The following AUTS2 variants were observed in gnomAD, a reference collection of about 807,000 sequenced individuals.
The protein encoded by AUTS2 is autism susceptibility gene 2 protein.
Under a neutral mutation model 112.4 loss-of-function variants are expected in AUTS2, and 17 were observed. The observed-to-expected ratio is 0.15, with a 90% CI of 0.10 to 0.23. The LOEUF is 0.23. Ranked by LOEUF, AUTS2 falls within the 10% of genes least tolerant of loss-of-function variation. The pLI is 1.00. For missense variants in AUTS2, 1,510 were observed against 1,701.6 expected, an observed-to-expected ratio of 0.89 and a Z score of 1.98; for synonymous variants, 751 against 702.7, an observed-to-expected ratio of 1.07 and a Z score of -1.09.
At chr7:69,922,611 ACT>A (rs1368154721) in intron 2 of AUTS2, among the ~76,000 whole-genome samples, 6 of 152,092 alleles carry the variant, frequency 3.9e-5, no homozygotes, top group Admixed American at 6.5e-5. Context: ...CAACTCAGAA[ACT>A]CTCAATTTAA....
At chr7:70,746,291 G>A (rs1246733510) in intron 6 of AUTS2, among the ~76,000 whole-genome samples, 1 of 152,086 alleles carries the variant, frequency 6.6e-6, no homozygotes, top group Non-Finnish European at 1.5e-5. Context: ...GATTACAGGT[G>A]GCTGCCACCA....
intron 5 of AUTS2, 127 bp downstream of exon 5, chr7:70,435,908 T>C: frequency 3.1e-6 from 3 of 963,562 alleles, no homozygotes; most frequent in South Asian, 1.6e-5. Flanking sequence ...TTAGGAAAGA[T>C]GGGCATTATT....
At chr7:70,579,443 A>G (rs1023086274) in intron 5 of AUTS2, among the ~76,000 whole-genome samples, 32 of 151,782 alleles carry the variant, frequency 2.1e-4, no homozygotes, top group Admixed American at 2.0e-4. Flanking sequence ...TCTTTTTTCT[A>G]AGCAATTAAT....
intron 12 of AUTS2, 112 bp from the exon 13 acceptor site, chr7:70,775,239 TTAAAAG>T: frequency 1.1e-6 from 1 of 928,114 alleles, no homozygotes; most frequent in Non-Finnish European, 1.7e-6. Flanking sequence ...AGGGCTTCAT[TTAAAAG>T]TAAAATTCTA....
At chr7:70,411,025 G>T (rs1794754062) in intron 4 of AUTS2, among the ~76,000 whole-genome samples, 2 of 151,862 alleles carry the variant, frequency 1.3e-5, no homozygotes, top group Admixed American at 1.3e-4. Context: ...CACCATGCCT[G>T]GCTAATTTTT....
chr7:70,713,721 C>T (rs1810190512), intron 6 of AUTS2, among the ~76,000 whole-genome samples: 2 of 151,708 alleles, frequency 1.3e-5, no homozygotes, highest in Admixed American at 1.3e-4. Context: ...GGTGAAACCC[C>T]GTTTCTACTA....
intron 4 of AUTS2, among the ~76,000 whole-genome samples, chr7:70,307,630 C>T (rs1275393681): frequency 6.6e-6 from 1 of 152,110 alleles, no homozygotes; most frequent in African/African-American, 2.4e-5. Context: ...GGTAGGGAAA[C>T]TGAGAGGCTA....
At chr7:69,926,828 G>T (rs1402334672) in intron 2 of AUTS2, among the ~76,000 whole-genome samples, 2 of 143,890 alleles carry the variant, frequency 1.4e-5, no homozygotes, top group Non-Finnish European at 3.0e-5. Context: ...AAGATATATA[G>T]TATATATAAG....
intron 1 of AUTS2, among the ~76,000 whole-genome samples, chr7:69,806,896 A>T (rs1002881628): frequency 3.3e-5 from 5 of 152,162 alleles, no homozygotes; most frequent in African/African-American, 1.2e-4. Flanking sequence ...TGGACTCTTC[A>T]TCAGATTTGG....
chr7:70,221,892 AAAT>A (rs1159674287), intron 4 of AUTS2, among the ~76,000 whole-genome samples: 1 of 152,206 alleles, frequency 6.6e-6, no homozygotes, highest in Non-Finnish European at 1.5e-5. Flanking sequence ...TGTCTCAAAA[AAAT>A]AATAATAAAT....
intron 4 of AUTS2, among the ~76,000 whole-genome samples, chr7:70,327,028 C>T (rs1187717280): frequency 1.3e-5 from 2 of 151,110 alleles, no homozygotes; most frequent in Non-Finnish European, 2.9e-5. Context: ...AGTGATTCTC[C>T]TGCCTCAGCC....
At chr7:69,777,135 C>A (rs1449510579) in intron 1 of AUTS2, among the ~76,000 whole-genome samples, 2 of 152,188 alleles carry the variant, frequency 1.3e-5, no homozygotes, top group African/African-American at 4.8e-5. Flanking sequence ...CTTACCTTTG[C>A]TCTTGGGCAT....
intron 2 of AUTS2, among the ~76,000 whole-genome samples, chr7:69,920,273 C>T (rs1795755780): frequency 6.6e-6 from 1 of 152,148 alleles, no homozygotes; most frequent in South Asian, 2.1e-4. Context: ...CTCCTCTCCT[C>T]TCCTGTCCTC....
chr7:70,403,075 T>C (rs1215052021), intron 4 of AUTS2, among the ~76,000 whole-genome samples: 2 of 152,196 alleles, frequency 1.3e-5, no homozygotes, highest in African/African-American at 4.8e-5. Context: ...ATGGGACTTT[T>C]TGAGTGGGCC....
intron 1 of AUTS2, among the ~76,000 whole-genome samples, chr7:69,602,068 GTGTGTGTGTGTGTGTGTGTGTGTGTA>G (rs1459484581): frequency 1.5e-4 from 21 of 140,704 alleles, no homozygotes; most frequent in African/African-American, 5.4e-4. Flanking sequence ...GTGTGTGTGT[GTGTGTGTGTGTGTGTGTGTGTGTGTA>G]TATCTCACTT....
chr7:69,686,868 C>T lies in AUTS2; in HGVS notation c.309+86906C>T, dbSNP rs149481120. 2.2e-3 allele frequency among the ~76,000 whole-genome samples: 340 copies of T among 152,280 alleles called. 2 individuals are homozygous for T. The highest frequency in any genetic ancestry group is 7.8e-3 in the African/African-American group (326 of 41,554). ...CAGAAGCTCCTTATCTCACCTATAC[C>T]ATCCAGCATCAAGATAAGCACACGT... On this transcript the variant is annotated intron_variant, in intron 1 of 18. Transcript: ENST00000342771.
At chr7:70,090,099 T>G (rs192425060) in intron 2 of AUTS2, among the ~76,000 whole-genome samples, 60 of 151,646 alleles carry the variant, frequency 4.0e-4, no homozygotes, top group African/African-American at 1.3e-3. Flanking sequence ...TGATTCCATT[T>G]TATCTCCTTT....
chr7:70,183,170 A>T (rs990744342), intron 4 of AUTS2, among the ~76,000 whole-genome samples: 1 of 152,102 alleles, frequency 6.6e-6, no homozygotes, highest in Non-Finnish European at 1.5e-5. Flanking sequence ...AAACTTGATG[A>T]TGTGCAATTT....
intron 4 of AUTS2, among the ~76,000 whole-genome samples, chr7:70,356,344 G>A (rs1441426668): frequency 7.1e-6 from 1 of 140,914 alleles, no homozygotes; most frequent in Non-Finnish European, 1.5e-5. Flanking sequence ...TGTGTGAAGG[G>A]AAGTAGCCTC....
Sources: allele counts gnomAD v4.1 joint callset (sites outside exome capture counted in the v4.1 genomes callset), GRCh38; gene constraint gnomAD v4.1.1; transcripts MANE v1.5; gene names NCBI Gene and HGNC (gene_info 2026-07-23, HGNC 2026-07-21).